Variants in NRXN3 observed in about 807,000 individuals in gnomAD.
NRXN3 encodes neurexin III.
A neutral mutation model predicts 137.6 loss-of-function variants in NRXN3; 32 were observed. The ratio of observed to expected loss-of-function variants is 0.23; its 90% confidence interval spans 0.18 to 0.31. NRXN3 has a LOEUF of 0.31. Ranked by LOEUF, NRXN3 falls within the 10% of genes least tolerant of loss-of-function variation. The pLI is 1.00. For synonymous variants in NRXN3, 798 were observed against 784.5 expected (o/e 1.02, Z -0.29); for missense variants, 1,574 against 2,062.5 (o/e 0.76, Z 4.59).
At chr14:78,871,785 T>C (rs957852906) in intron 10 of NRXN3, among the ~76,000 whole-genome samples, 4 of 152,152 alleles carry the variant, frequency 2.6e-5, no homozygotes, top group African/African-American at 9.6e-5. Context: ...TAGTTAGGTT[T>C]ATTCTTTATT....
intron 8 of NRXN3, among the ~76,000 whole-genome samples, chr14:78,772,248 TA>T: frequency 6.6e-6 from 1 of 152,166 alleles, no homozygotes; most frequent in African/African-American, 2.4e-5. Flanking sequence ...AAAATGTATG[TA>T]AATGAAAAGA....
At chr14:78,904,172 C>A (rs996732845) in intron 10 of NRXN3, among the ~76,000 whole-genome samples, 2 of 151,978 alleles carry the variant, frequency 1.3e-5, no homozygotes, top group Non-Finnish European at 1.5e-5. Flanking sequence ...CAGAGCCTGG[C>A]CATTTTTTAG....
intron 15 of NRXN3, among the ~76,000 whole-genome samples, chr14:79,058,574 T>C (rs2202169): frequency 0.99 from 150,866 of 152,268 alleles, 74,763 homozygotes; most frequent in Middle Eastern, 1. Flanking sequence ...TCCTCCTAAT[T>C]CCAAGATTCT....
chr14:79,436,136 C>G (rs1229946438), intron 15 of NRXN3, among the ~76,000 whole-genome samples: 2 of 152,052 alleles, frequency 1.3e-5, no homozygotes, highest in Non-Finnish European at 2.9e-5. Context: ...CCAAAAGTGC[C>G]TGGAACCAGG....
intron 8 of NRXN3, among the ~76,000 whole-genome samples, chr14:78,769,759 T>C (rs1252632564): frequency 1.3e-5 from 2 of 152,156 alleles, no homozygotes; most frequent in African/African-American, 4.8e-5. Context: ...AAGGGACATA[T>C]TGATTATGCT....
chr14:79,055,199 A>G (rs892809242), intron 15 of NRXN3, among the ~76,000 whole-genome samples: 12 of 152,330 alleles, frequency 7.9e-5, no homozygotes, highest in African/African-American at 2.6e-4. Flanking sequence ...TCTCTCAGTC[A>G]TAAGAAGACG....
At chr14:79,249,438 A>G (rs985126007) in intron 15 of NRXN3, among the ~76,000 whole-genome samples, 3 of 152,192 alleles carry the variant, frequency 2.0e-5, no homozygotes, top group Admixed American at 2.0e-4. Context: ...CCCAGGTAAG[A>G]AAATTAGCAA....
chr14:79,136,069 G>C (rs2058192231), intron 15 of NRXN3, among the ~76,000 whole-genome samples: 2 of 152,142 alleles, frequency 1.3e-5, no homozygotes, highest in South Asian at 4.1e-4. Flanking sequence ...TAAATTTATA[G>C]TCACAAAGCA....
intron 1 of NRXN3, among the ~76,000 whole-genome samples, chr14:78,182,716 C>G (rs989066435): frequency 2.6e-5 from 4 of 152,308 alleles, no homozygotes; most frequent in Admixed American, 1.3e-4. Flanking sequence ...GATGATCCAC[C>G]TGCCTCGGCC....
chr14:79,752,285 C>T (rs569539533), intron 19 of NRXN3, among the ~76,000 whole-genome samples: 2 of 152,182 alleles, frequency 1.3e-5, no homozygotes, highest in Admixed American at 6.5e-5. Context: ...TCAAATTCTT[C>T]CTGGTTTAGT....
chr14:78,613,841 A>G (rs2097323131), intron 4 of NRXN3, among the ~76,000 whole-genome samples: 1 of 152,168 alleles, frequency 6.6e-6, no homozygotes. Context: ...AACAACCTCA[A>G]GAGAACTTAA....
intron 15 of NRXN3, among the ~76,000 whole-genome samples, chr14:78,989,077 G>A (rs17108476): frequency 0.04 from 6,105 of 152,212 alleles, 351 homozygotes; most frequent in African/African-American, 0.13. Context: ...AATAACCGTG[G>A]CAAAGAGATT....
intron 10 of NRXN3, among the ~76,000 whole-genome samples, chr14:78,881,958 T>A (rs2099130187): frequency 1.3e-5 from 2 of 151,628 alleles, no homozygotes; most frequent in Admixed American, 1.3e-4. Flanking sequence ...GGTCCAGGGC[T>A]CCCCTGCTGT....
intron 4 of NRXN3, among the ~76,000 whole-genome samples, chr14:78,354,695 C>A (rs981337687): frequency 6.6e-6 from 1 of 152,156 alleles, no homozygotes; most frequent in Non-Finnish European, 1.5e-5. Context: ...CAGTGTCTTA[C>A]CATGCCTGAA....
chr14:78,712,810 G>A (rs576507822), intron 7 of NRXN3, among the ~76,000 whole-genome samples: 2 of 152,254 alleles, frequency 1.3e-5, no homozygotes, highest in East Asian at 1.9e-4. Flanking sequence ...TGATCTGCCC[G>A]CCTCAGCCTC....
At chr14:78,887,363 T>C (rs2099146559) in intron 10 of NRXN3, among the ~76,000 whole-genome samples, 1 of 152,034 alleles carries the variant, frequency 6.6e-6, no homozygotes, top group African/African-American at 2.4e-5. Flanking sequence ...AGAAAGATTA[T>C]TTTATCTTTC....
At chr14:79,222,443 T>G (rs2069940884) in intron 15 of NRXN3, among the ~76,000 whole-genome samples, 1 of 152,178 alleles carries the variant, frequency 6.6e-6, no homozygotes, top group South Asian at 2.1e-4. Flanking sequence ...ACACCTTAGT[T>G]GGTTTTAAGT....
chr14:79,683,718 T>C (rs1267811040), intron 17 of NRXN3, among the ~76,000 whole-genome samples: 1 of 152,174 alleles, frequency 6.6e-6, no homozygotes, highest in Non-Finnish European at 1.5e-5. Context: ...CTGGGAGATC[T>C]GATTACCTGG....
chr14:78,947,143 G>A lies in NRXN3; in HGVS notation c.2276-10099G>A, dbSNP rs558928033. ...CAGTTGCATACACCAGATGCTAAGA[G>A]GATAAGACAGATTAGCCAGGAGTAA... is the stretch of plus-strand genomic sequence containing the variant. On this transcript the variant is annotated intron_variant, in intron 10 of 20. Coordinates refer to ENST00000335750, the MANE Select transcript of NRXN3 (RefSeq NM_001330195.2). 3.3e-5 allele frequency among the ~76,000 whole-genome samples: 5 copies of A among 152,266 alleles called. No individual in the cohort carries two copies. The East Asian group carries it at 9.7e-4, about 29-fold the overall frequency.
Sources: allele counts gnomAD v4.1 joint callset (sites outside exome capture counted in the v4.1 genomes callset), GRCh38; gene constraint gnomAD v4.1.1; transcripts MANE v1.5; gene names NCBI Gene and HGNC (gene_info 2026-07-23, HGNC 2026-07-21).